LRP5: variants seen among roughly 807,000 people sequenced by gnomAD.
LRP5 encodes low-density lipoprotein receptor-related protein 5.
In LRP5, 62 loss-of-function variants were observed where a neutral mutation model predicts 154.1. The ratio of observed to expected loss-of-function variants is 0.40; its 90% CI spans 0.33 to 0.50. The LOEUF is 0.50. LRP5 is among the 20% of genes least tolerant of loss of function. The pLI is 0.55. For synonymous variants in LRP5, 966 were observed against 1,011.5 expected (o/e 0.96, Z 0.85); for missense variants, 1,915 against 2,336.7 (o/e 0.82, Z 3.72).
chr11:68,439,951 T>A, intron 21 of LRP5, 35 bp downstream of exon 21: 1 of 1,286,850 alleles, frequency 7.8e-7, no homozygotes, highest in Non-Finnish European at 1.1e-6. Context: ...CGGGGCGGGA[T>A]GGGGCTGTGG....
At chr11:68,402,960 T>A (rs1361030308) in intron 7 of LRP5, among the ~76,000 whole-genome samples, 2 of 152,088 alleles carry the variant, frequency 1.3e-5, no homozygotes, top group Admixed American at 6.6e-5. Flanking sequence ...AGTGAAAACA[T>A]CATGGCCGGG....
At chr11:68,332,185 T>C (rs2098603228) in intron 1 of LRP5, among the ~76,000 whole-genome samples, 1 of 152,144 alleles carries the variant, frequency 6.6e-6, no homozygotes, top group African/African-American at 2.4e-5. Context: ...TCCAAGTTGG[T>C]TTGGGAAGAG....
At chr11:68,440,662 C>G (rs2098677702) in intron 21 of LRP5, among the ~76,000 whole-genome samples, 1 of 152,212 alleles carries the variant, frequency 6.6e-6, no homozygotes, top group Non-Finnish European at 1.5e-5. Context: ...GTCCAGCCCC[C>G]TTCTGCTTCC....
Position 68,406,750 on chromosome 11 carries a change from G to A in LRP5, c.2028G>A (p.Glu676=), listed in dbSNP as rs778147505. 5.0e-6 allele frequency: 8 copies of A among 1,614,114 alleles called. No homozygotes were observed. The highest frequency in any genetic ancestry group is 1.7e-4 in the Middle Eastern group (1 of 6,060). ...DVAIPLTGVK[E]ASALDFDVSN... is the part of the protein sequence containing the mutation. Reference sequence around the variant, plus strand: ...CCATCCCGCTCACGGGCGTCAAGGAGGCCTCAGCCCTGGACTTTGATGTGT... The same window carrying A: ...CCATCCCGCTCACGGGCGTCAAGGAAGCCTCAGCCCTGGACTTTGATGTGT... Residue 676 remains glutamate (E), a synonymous_variant, in exon 9 of 23, where the codon GAG becomes GAA. Coordinates refer to ENST00000294304, the MANE Select transcript of LRP5 (RefSeq NM_002335.4).
At chr11:68,437,088 C>T (rs3736230) in intron 19 of LRP5, 89 bp downstream of exon 19, 120 of 1,132,138 alleles carry the variant, frequency 1.1e-4, no homozygotes, top group East Asian at 1.1e-3. Flanking sequence ...GCCTTTCCAG[C>T]GGGGCTGGGG....
At chr11:68,348,366 G>A (rs190223711) in intron 2 of LRP5, 123 bp downstream of exon 2, 50 of 1,305,454 alleles carry the variant, frequency 3.8e-5, no homozygotes, top group South Asian at 1.2e-4. Context: ...ATGAACCCGT[G>A]GGGGGGTTGG....
rs775012025 is a variant in LRP5, at chr11:68,439,888, C to G, written c.4460C>G (p.Ser1487Cys). 4 of 1,571,266 alleles carry G rather than the reference C, an allele frequency of 2.5e-6. No individual in the cohort carries two copies. The South Asian group carries it at 4.7e-5, about 18-fold the overall frequency. Residue 1487 changes from serine (S) to cysteine (C), a missense_variant, in exon 21 of 23, where the codon TCC becomes TGC. By Grantham distance (112) the Ser-to-Cys change is moderately radical. Coordinates refer to ENST00000294304, the MANE Select transcript of LRP5 (RefSeq NM_002335.4). ...ACAGGGGCCTCGTCCAGCAGCTCGT[C>G]CAGCACGAAGGCCACGCTGTACCCG... ...HVTGASSSSS[S>C]STKATLYPPI...
intron 21 of LRP5, among the ~76,000 whole-genome samples, chr11:68,440,586 G>A (rs538125790): frequency 2.6e-5 from 4 of 152,240 alleles, no homozygotes; most frequent in South Asian, 2.1e-4. Context: ...TGTAAACAGC[G>A]GGGGCTGACT....
At chr11:68,366,726 T>A (rs1244204830) in intron 5 of LRP5, among the ~76,000 whole-genome samples, 1 of 152,044 alleles carries the variant, frequency 6.6e-6, no homozygotes, top group Non-Finnish European at 1.5e-5. Flanking sequence ...CTGCAGGGGA[T>A]GGTTGGAGAG....
intron 13 of LRP5, among the ~76,000 whole-genome samples, chr11:68,418,924 C>T (rs546803): frequency 0.71 from 107,739 of 152,138 alleles, 39,260 homozygotes; most frequent in South Asian, 0.84. Flanking sequence ...TAGAGTTTCA[C>T]TGGAGCTGCG....
intron 3 of LRP5, among the ~76,000 whole-genome samples, chr11:68,361,221 C>G (rs990359981): frequency 6.8e-6 from 1 of 147,378 alleles, no homozygotes; most frequent in Middle Eastern, 3.6e-3. Context: ...AGGAGAATGG[C>G]GTGAACCTGG....
intron 17 of LRP5, 124 bp downstream of exon 17, chr11:68,429,824 T>A: frequency 7.8e-7 from 1 of 1,287,332 alleles, no homozygotes; most frequent in Admixed American, 1.8e-5. Flanking sequence ...CAAAGCTGAT[T>A]GTGTCTTCCT....
intron 4 of LRP5, 33 bp downstream of exon 4, chr11:68,363,976 G>T: frequency 7.3e-7 from 1 of 1,362,886 alleles, no homozygotes. Flanking sequence ...GGGCGAGGGT[G>T]CGGGGGCTGG....
Position 68,359,398 on chromosome 11 carries a change from T to TGGAAA in LRP5, c.686+1552_686+1556dup, listed in dbSNP as rs2098625808. Among the ~76,000 whole-genome samples the TGGAAA allele has an allele frequency of 2.0e-5, 3 of 152,124 alleles. No individual in the cohort carries two copies. The South Asian group carries it at 6.2e-4, about 32-fold the overall frequency. On this transcript the variant is annotated intron_variant, in intron 3 of 22. Coordinates refer to ENST00000294304, the MANE Select transcript of LRP5 (RefSeq NM_002335.4). ...AGACCAGCGGGTCTGGTTTGAGATT[T>TGGAAA]GGAAATGTGGTTACCCTGTAGACTG...
At position 68,406,602 on chromosome 11, in the gene LRP5, G is replaced by A; in HGVS notation, c.1880G>A (p.Cys627Tyr). 6.2e-7 allele frequency: 1 copy of A among 1,614,158 alleles called. No individual in the cohort carries two copies. The highest frequency in any genetic ancestry group is 2.2e-5 in the East Asian group (1 of 44,890). The change falls in exon 9 of 23, where the codon TGC becomes TAC. Residue 627 changes from cysteine to tyrosine, a missense_variant. Coordinates refer to ENST00000294304, the MANE Select transcript of LRP5 (RefSeq NM_002335.4). Reference sequence around the variant, plus strand: ...ACACCCCACGCAACCCGGTGTGGCTGCCCCATCGGCCTGGAGCTGCTGAGT... The same window carrying A: ...ACACCCCACGCAACCCGGTGTGGCTACCCCATCGGCCTGGAGCTGCTGAGT... Reference protein sequence around the residue: ...FFTPHATRCGCPIGLELLSDM... With the variant: ...FFTPHATRCGYPIGLELLSDM...
chr11:68,433,597 C>T lies in LRP5; in HGVS notation c.3764-5C>T. 1 of 1,612,190 alleles carries T rather than the reference C, an allele frequency of 6.2e-7. No individual in the cohort carries two copies. On this transcript the variant is annotated splice_region_variant and splice_polypyrimidine_tract_variant and intron_variant, in intron 17 of 22. Coordinates refer to ENST00000294304, the MANE Select transcript of LRP5 (RefSeq NM_002335.4). ...GTGTGATGTTCTCCTCTGTCCCTCC[C>T]CCAGAGCCGCCCACCTGCTCCCCGG...
At chr11:68,366,414 C>T (rs545366356) in intron 5 of LRP5, among the ~76,000 whole-genome samples, 31 of 151,302 alleles carry the variant, frequency 2.0e-4, no homozygotes, top group Non-Finnish European at 3.5e-4. Flanking sequence ...TCCTGGCATC[C>T]GGTGGATGGA....
At chr11:68,395,785 G>A (rs73515045) in intron 7 of LRP5, among the ~76,000 whole-genome samples, 4 of 152,074 alleles carry the variant, frequency 2.6e-5, no homozygotes, top group African/African-American at 4.8e-5. Flanking sequence ...GGGACACCTC[G>A]GATGTGCCCG....
At chr11:68,351,921 G>C (rs543963088) in intron 2 of LRP5, among the ~76,000 whole-genome samples, 87 of 152,138 alleles carry the variant, frequency 5.7e-4, no homozygotes, top group Non-Finnish European at 9.8e-4. Context: ...TCCAGGCAGA[G>C]GGATCAGCCA....
Sources: gnomAD v4.1 joint callset for allele counts (sites outside exome capture counted in the v4.1 genomes callset) on GRCh38, gnomAD v4.1.1 for gene constraint, MANE v1.5 for transcripts, NCBI Gene and HGNC (gene_info 2026-07-23, HGNC 2026-07-21) for gene names.